MAP2: variants seen among roughly 807,000 people sequenced by gnomAD.
The protein encoded by MAP2 is microtubule associated protein 2.
In MAP2, 14 loss-of-function variants were observed where a neutral mutation model predicts 137.6. That is an observed-to-expected ratio of 0.10 (90% CI 0.07 to 0.16). The LOEUF is 0.16. Among genes scored for constraint, MAP2 ranks in the 10% least tolerant of loss-of-function variants. The pLI is 1.00. For synonymous variants in MAP2, 786 were observed against 782.3 expected, an observed-to-expected ratio of 1.00 and a Z score of -0.08; for missense variants, 2,088 against 2,191.5, an observed-to-expected ratio of 0.95 and a Z score of 0.94.
chr2:209,643,379 A>T (rs1474212395), intron 4 of MAP2, among the ~76,000 whole-genome samples: 1 of 152,132 alleles, frequency 6.6e-6, no homozygotes, highest in Non-Finnish European at 1.5e-5. Context: ...CCCAGGAGGG[A>T]AAGTTCTATT....
intron 2 of MAP2, among the ~76,000 whole-genome samples, chr2:209,559,624 C>G (rs2071535082): frequency 6.6e-6 from 1 of 151,982 alleles, no homozygotes; most frequent in South Asian, 2.1e-4. Flanking sequence ...GCACTCCAGC[C>G]TGGATGATAG....
chr2:209,583,475 GTT>G lies in MAP2; in HGVS notation c.-107+3384_-107+3385del, dbSNP rs550027370. Among the ~76,000 whole-genome samples, 197 of 148,652 alleles carry G rather than the reference GTT, an allele frequency of 1.3e-3. 1 individual carries two copies. Among genetic ancestry groups the G allele is most frequent in the African/African-American group, 4.6e-3 (188 of 40,584 alleles). Reference sequence around the variant, plus strand: ...TGATGTTATAACTTGCAAGGTTTGGGTTTTTTTTTTCTTTTTAAAGTGAAATA... The same window carrying G: ...TGATGTTATAACTTGCAAGGTTTGGGTTTTTTTTCTTTTTAAAGTGAAATA... On this transcript the variant is annotated intron_variant, in intron 3 of 15. Transcript: ENST00000682079.
chr2:209,466,911 C>G (rs1297950490), intron 1 of MAP2, among the ~76,000 whole-genome samples: 1 of 152,170 alleles, frequency 6.6e-6, no homozygotes, highest in East Asian at 1.9e-4. Flanking sequence ...CCACTAACCC[C>G]TCTCCTGTGT....
intron 3 of MAP2, among the ~76,000 whole-genome samples, chr2:209,603,223 T>G (rs907354361): frequency 2.0e-5 from 3 of 152,158 alleles, no homozygotes; most frequent in Non-Finnish European, 4.4e-5. Context: ...CCCCTTGGTT[T>G]ATTTAGAACT....
chr2:209,707,174 A>C (rs2063705343), intron 12 of MAP2, among the ~76,000 whole-genome samples: 1 of 152,180 alleles, frequency 6.6e-6, no homozygotes, highest in South Asian at 2.1e-4. Context: ...TTTCTCCATA[A>C]ATCCACTTCT....
At chr2:209,701,181 A>C (rs1009440276) in intron 11 of MAP2, among the ~76,000 whole-genome samples, 1 of 151,988 alleles carries the variant, frequency 6.6e-6, no homozygotes, top group Non-Finnish European at 1.5e-5. Context: ...CTACCCACTT[A>C]TACATTCTGT....
intron 2 of MAP2, among the ~76,000 whole-genome samples, chr2:209,540,791 G>A (rs936870104): frequency 1.3e-5 from 2 of 150,392 alleles, no homozygotes; most frequent in African/African-American, 5.0e-5. Flanking sequence ...ATGCATTGAG[G>A]ATTTTCAAAA....
intron 5 of MAP2, among the ~76,000 whole-genome samples, chr2:209,658,324 A>G (rs1281252594): frequency 6.6e-6 from 1 of 152,018 alleles, no homozygotes; most frequent in Non-Finnish European, 1.5e-5. Context: ...TAACAGTATT[A>G]TATCAAATCC....
rs189700623 is a variant in MAP2 at position 209,729,203 on chromosome 2, A to G, written c.5156-647A>G. Among the ~76,000 whole-genome samples the G allele has an allele frequency of 2.3e-3, 345 of 152,322 alleles. 1 individual carries two copies. The Middle Eastern group carries it at 0.024, about 11-fold the overall frequency. ...ACTCTGTCTCAATATTATCAGATCA[A>G]GGTCAGCGTCATATTGGTCCTATGG... On this transcript the variant is annotated intron_variant, in intron 14 of 15. Coordinates refer to ENST00000682079, the MANE Select transcript of MAP2 (RefSeq NM_001375505.1).
chr2:209,631,664 T>C (rs2093064395), intron 4 of MAP2, among the ~76,000 whole-genome samples: 1 of 152,170 alleles, frequency 6.6e-6, no homozygotes, highest in Non-Finnish European at 1.5e-5. Flanking sequence ...CACTGAAATA[T>C]GAAACCAAAT....
intron 1 of MAP2, among the ~76,000 whole-genome samples, chr2:209,432,576 A>G (rs548123123): frequency 4.6e-5 from 7 of 152,334 alleles, no homozygotes; most frequent in South Asian, 2.1e-4. Flanking sequence ...CCATACCACT[A>G]TCAGGAGAGT....
chr2:209,703,557 C>G (rs1308053879), intron 11 of MAP2, among the ~76,000 whole-genome samples: 1 of 152,038 alleles, frequency 6.6e-6, no homozygotes, highest in African/African-American at 2.4e-5. Flanking sequence ...AATTAGAGAA[C>G]TATGTATAGA....
At position 209,694,004 on chromosome 2, in the gene MAP2, A is replaced by G; in HGVS notation, c.1834A>G (p.Met612Val). The G allele has an allele frequency of 6.2e-7, 1 of 1,614,014 alleles. No homozygotes were observed. Among genetic ancestry groups the G allele is most frequent in the East Asian group, 2.2e-5 (1 of 44,876 alleles). Reference sequence around the variant, plus strand: ...TGAGTCTATTGATACCATGTCTCCCATGCATAAAAATGGTGACAAGGAGTT... The same window carrying G: ...TGAGTCTATTGATACCATGTCTCCCGTGCATAAAAATGGTGACAAGGAGTT... ...VHESIDTMSP[M>V]HKNGDKEFQT... The change falls in exon 8 of 16, where the codon ATG becomes GTG. Residue 612 changes from methionine (M) to valine (V), a missense_variant. By Grantham distance (21) the Met-to-Val change is conservative. Coordinates refer to ENST00000682079, the MANE Select transcript of MAP2 (RefSeq NM_001375505.1).
chr2:209,627,655 A>G (rs530648868), intron 4 of MAP2, among the ~76,000 whole-genome samples: 3 of 152,200 alleles, frequency 2.0e-5, no homozygotes, highest in East Asian at 1.9e-4. Context: ...TCACATATAT[A>G]GAAATTTTAT....
intron 1 of MAP2, among the ~76,000 whole-genome samples, chr2:209,470,341 C>T (rs191010450): frequency 6.6e-6 from 1 of 151,980 alleles, no homozygotes; most frequent in Admixed American, 6.6e-5. Context: ...TCTAGCCAAG[C>T]GTATTATTAA....
At chr2:209,594,874 T>C (rs1280114899) in intron 3 of MAP2, among the ~76,000 whole-genome samples, 1 of 152,188 alleles carries the variant, frequency 6.6e-6, no homozygotes, top group African/African-American at 2.4e-5. Context: ...GATTGTAAGA[T>C]GTAGAATATA....
intron 5 of MAP2, among the ~76,000 whole-genome samples, chr2:209,677,002 T>C (rs1476805394): frequency 6.6e-6 from 1 of 151,662 alleles, no homozygotes; most frequent in Non-Finnish European, 1.5e-5. Context: ...TTTAATTTTC[T>C]GTAGCCCTTT....
intron 5 of MAP2, among the ~76,000 whole-genome samples, chr2:209,656,421 A>G (rs1166166865): frequency 6.6e-6 from 1 of 152,034 alleles, no homozygotes; most frequent in Non-Finnish European, 1.5e-5. Context: ...AGGTGGGAGG[A>G]TCACCTGAGC....
At chr2:209,690,187 A>C (rs952105993) in intron 7 of MAP2, among the ~76,000 whole-genome samples, 3 of 152,132 alleles carry the variant, frequency 2.0e-5, no homozygotes, top group African/African-American at 7.2e-5. Context: ...AACAAATTTA[A>C]AGGCTTTTTT....
Sources: gnomAD v4.1 joint callset for allele counts (sites outside exome capture counted in the v4.1 genomes callset) on GRCh38, gnomAD v4.1.1 for gene constraint, MANE v1.5 for transcripts, NCBI Gene and HGNC (gene_info 2026-07-23, HGNC 2026-07-21) for gene names.